Variants in ERBB4 observed in about 807,000 individuals in gnomAD.
ERBB4 encodes receptor tyrosine-protein kinase erbB-4.
A neutral mutation model predicts 158.0 loss-of-function variants in ERBB4; 42 were observed. That is an observed-to-expected ratio of 0.27 (90% CI 0.21 to 0.34). The LOEUF is 0.34. ERBB4 is among the 10% of genes least tolerant of loss of function. ERBB4 has a pLI of 1.00. For synonymous variants in ERBB4, 583 were observed against 558.7 expected (o/e 1.04, Z -0.61); for missense variants, 1,333 against 1,624.1 (o/e 0.82, Z 3.08).
chr2:212,269,308 A>G (rs185122874), intron 1 of ERBB4, among the ~76,000 whole-genome samples: 1 of 152,000 alleles, frequency 6.6e-6, no homozygotes, highest in Admixed American at 6.6e-5. Context: ...GAAATCAGAA[A>G]TATAGGAGAG....
chr2:211,559,220 C>T (rs2067319382), intron 20 of ERBB4, among the ~76,000 whole-genome samples: 1 of 152,128 alleles, frequency 6.6e-6, no homozygotes, highest in Non-Finnish European at 1.5e-5. Context: ...ATCTACTTCT[C>T]CTTATTGGCA....
At chr2:211,489,833 A>C (rs919546455) in intron 20 of ERBB4, among the ~76,000 whole-genome samples, 2 of 152,070 alleles carry the variant, frequency 1.3e-5, no homozygotes, top group Non-Finnish European at 2.9e-5. Context: ...TCTCCATCAC[A>C]TCAAGGAGAT....
intron 1 of ERBB4, among the ~76,000 whole-genome samples, chr2:212,139,344 T>C (rs1379304379): frequency 6.6e-6 from 1 of 152,030 alleles, no homozygotes; most frequent in Non-Finnish European, 1.5e-5. Flanking sequence ...CAATATTTGC[T>C]AGTATACAAT....
intron 1 of ERBB4, among the ~76,000 whole-genome samples, chr2:212,396,863 T>C (rs1337105770): frequency 1.3e-5 from 2 of 152,108 alleles, no homozygotes; most frequent in Non-Finnish European, 2.9e-5. Flanking sequence ...TTCTTCAAAG[T>C]TTTCATCATA....
chr2:211,389,324 C>T (rs1355313609), intron 25 of ERBB4, among the ~76,000 whole-genome samples: 1 of 152,114 alleles, frequency 6.6e-6, no homozygotes, highest in Non-Finnish European at 1.5e-5. Context: ...TACTTTACAT[C>T]TTTTAAATGA....
chr2:212,126,373 T>C (rs183871221), intron 1 of ERBB4, among the ~76,000 whole-genome samples: 2 of 141,406 alleles, frequency 1.4e-5, no homozygotes, highest in African/African-American at 2.6e-5. Context: ...GGCAGGAGAA[T>C]AACTTGAATC....
At chr2:212,407,762 A>G (rs2091389124) in intron 1 of ERBB4, among the ~76,000 whole-genome samples, 1 of 152,126 alleles carries the variant, frequency 6.6e-6, no homozygotes. Flanking sequence ...CTGCTGTCCT[A>G]GAAATTGTCT....
chr2:211,387,884 G>C, intron 26 of ERBB4, 61 bp downstream of exon 26: 1 of 1,278,122 alleles, frequency 7.8e-7, no homozygotes, highest in Non-Finnish European at 1.1e-6. Context: ...GACGAGAGAG[G>C]AAACATGGTA....
At chr2:211,823,493 G>A (rs2077036919) in intron 3 of ERBB4, among the ~76,000 whole-genome samples, 1 of 151,378 alleles carries the variant, frequency 6.6e-6, no homozygotes, top group African/African-American at 2.4e-5. Context: ...ATATTATTTT[G>A]CTTTAGGTTA....
At chr2:212,346,111 C>T (rs1430960615) in intron 1 of ERBB4, among the ~76,000 whole-genome samples, 1 of 152,056 alleles carries the variant, frequency 6.6e-6, no homozygotes, top group African/African-American at 2.4e-5. Context: ...TTTAGAAACA[C>T]ACTCTCAGAA....
chr2:212,342,287 C>T (rs778294305), intron 1 of ERBB4, among the ~76,000 whole-genome samples: 2 of 152,122 alleles, frequency 1.3e-5, no homozygotes, highest in South Asian at 2.1e-4. Flanking sequence ...ATAATCCCCA[C>T]GTGTCATGGG....
chr2:211,740,905 C>T (rs1320623870), intron 5 of ERBB4, among the ~76,000 whole-genome samples: 3 of 152,144 alleles, frequency 2.0e-5, no homozygotes, highest in Non-Finnish European at 2.9e-5. Context: ...CCACTGCGCC[C>T]AGCCTACTTA....
At chr2:212,444,340 A>C (rs575110582) in intron 1 of ERBB4, among the ~76,000 whole-genome samples, 1 of 152,272 alleles carries the variant, frequency 6.6e-6, no homozygotes, top group Non-Finnish European at 1.5e-5. Context: ...CTGGTTGTGC[A>C]CCTTGCATGG....
chr2:211,684,578 T>C (rs2072488581), intron 12 of ERBB4, among the ~76,000 whole-genome samples: 1 of 152,258 alleles, frequency 6.6e-6, no homozygotes. Context: ...TGTTTGCTTT[T>C]GTCTCAGAGT....
chr2:211,669,365 A>G (rs2071753814), intron 14 of ERBB4, among the ~76,000 whole-genome samples: 1 of 152,034 alleles, frequency 6.6e-6, no homozygotes, highest in South Asian at 2.1e-4. Context: ...ATTAACCTAA[A>G]TTTAACAGTG....
chr2:212,202,708 T>A (rs2082622860), intron 1 of ERBB4, among the ~76,000 whole-genome samples: 1 of 152,184 alleles, frequency 6.6e-6, no homozygotes, highest in Non-Finnish European at 1.5e-5. Flanking sequence ...AATGTGGCAG[T>A]ATTAAAAAGT....
intron 1 of ERBB4, among the ~76,000 whole-genome samples, chr2:212,168,165 G>T (rs77170258): frequency 0.11 from 16,166 of 151,794 alleles, 2,875 homozygotes; most frequent in African/African-American, 0.37. Flanking sequence ...TACTTAAGCA[G>T]CAGCCACTTA....
chr2:211,550,931 G>A (rs2067076550), intron 20 of ERBB4, among the ~76,000 whole-genome samples: 1 of 150,626 alleles, frequency 6.6e-6, no homozygotes, highest in African/African-American at 2.4e-5. Context: ...TCCATTATTA[G>A]GTTCCCCCCG....
intron 21 of ERBB4, among the ~76,000 whole-genome samples, chr2:211,428,707 TTATTCATTTTTTATTTTATTTA>T (rs1423448363): frequency 1.3e-5 from 2 of 152,066 alleles, no homozygotes; most frequent in Admixed American, 6.6e-5. Context: ...TGTACTATAC[TTATTCATTTTTTATTTTATTTA>T]TTTTTTGAGA....
Sources: gnomAD v4.1 joint callset for allele counts (sites outside exome capture counted in the v4.1 genomes callset) on GRCh38, gnomAD v4.1.1 for gene constraint, MANE v1.5 for transcripts, NCBI Gene and HGNC (gene_info 2026-07-23, HGNC 2026-07-21) for gene names.